The following PEX13 variants were observed in gnomAD, a reference collection of about 807,000 sequenced individuals.
PEX13 encodes the protein peroxisomal biogenesis factor 13.
A neutral mutation model predicts 34.5 loss-of-function variants in PEX13; 28 were observed. That is an observed-to-expected ratio of 0.81 (90% CI 0.60 to 1.11). The LOEUF is 1.11. Ranked by LOEUF, PEX13 falls within the 50% of genes most tolerant of loss-of-function variation. PEX13 has a pLI of 0.00. For missense variants in PEX13, 550 were observed against 491.0 expected (o/e 1.12, Z -1.13); for synonymous variants, 177 against 175.1 (o/e 1.01, Z -0.09).
In PEX13 at chr2:61,048,849, C is replaced by T. The variant is rs1680752602; in HGVS notation, c.*79C>T. On this transcript the variant is annotated 3_prime_UTR_variant, in exon 4 of 4. Coordinates refer to ENST00000295030, the MANE Select transcript of PEX13 (RefSeq NM_002618.4). ...TATTTCTCACAAAGAAATGAATGTA[C>T]AATCCAATGAAAACATTTGTTATTG... The T allele has an allele frequency of 8.5e-7, 1 of 1,182,362 alleles. No individual in the cohort carries two copies. 73.2% of individuals were successfully genotyped at this position (1,182,362 alleles called of 1,614,324 possible).
At chr2:61,033,084 A>G (rs1680478983) in intron 2 of PEX13, among the ~76,000 whole-genome samples, 2 of 152,170 alleles carry the variant, frequency 1.3e-5, no homozygotes. Context: ...TGTAAACGAA[A>G]AAGTCAGTCT....
chr2:61,026,942 C>G (rs764559748), intron 1 of PEX13, among the ~76,000 whole-genome samples: 6 of 151,946 alleles, frequency 3.9e-5, no homozygotes, highest in Non-Finnish European at 7.4e-5. Flanking sequence ...TTTCCCTCTT[C>G]CATGTTCCCC....
At position 61,017,790 on chromosome 2, in the gene PEX13, C is replaced by G. The variant is rs1680108011; in HGVS notation, c.31C>G (p.Pro11Ala). 3.2e-6 allele frequency: 5 copies of G among 1,550,394 alleles called. No homozygotes were observed. Among genetic ancestry groups the G allele is most frequent in the Non-Finnish European group, 4.4e-6 (5 of 1,146,886 alleles). Reference protein sequence around the residue: MASQPPPPPKPWETRRIPGAG... With the variant: MASQPPPPPKAWETRRIPGAG... ...GTCCCAGCCGCCACCTCCCCCCAAA[C>G]CCTGGGAGACCCGCCGAATTCCGGG... Residue 11 changes from proline to alanine, a missense_variant, in exon 1 of 4, where the codon CCC (proline) becomes GCC (alanine). Coordinates refer to ENST00000295030, the MANE Select transcript of PEX13 (RefSeq NM_002618.4).
At chr2:61,019,187 A>C (rs1680192795) in intron 1 of PEX13, 1 of 152,062 alleles carries the variant, frequency 6.6e-6, no homozygotes, top group Non-Finnish European at 1.5e-5. Flanking sequence ...TCTAAAACTT[A>C]ACAATGTAAC....
intron 1 of PEX13, chr2:61,018,511 T>C: frequency 6.7e-6 from 3 of 444,786 alleles, no homozygotes; most frequent in Non-Finnish European, 1.1e-5. Context: ...AGTTGGTTTC[T>C]AGGACTTTAA....
chr2:61,036,396 C>T (rs1680535343), intron 2 of PEX13, among the ~76,000 whole-genome samples: 4 of 152,144 alleles, frequency 2.6e-5, no homozygotes, highest in Admixed American at 2.6e-4. Context: ...GCCGGATTAC[C>T]CACAAAGGGA....
intron 1 of PEX13, among the ~76,000 whole-genome samples, chr2:61,026,074 C>G (rs914265358): frequency 6.6e-6 from 1 of 152,106 alleles, no homozygotes; most frequent in African/African-American, 2.4e-5. Flanking sequence ...CTGAAAAGAT[C>G]TGGCTCTCTG....
intron 1 of PEX13, among the ~76,000 whole-genome samples, chr2:61,020,707 T>G (rs1287632963): frequency 6.6e-6 from 1 of 152,130 alleles, no homozygotes; most frequent in Non-Finnish European, 1.5e-5. Context: ...CAGGCTGGAG[T>G]GCAGAGACGC....
chr2:61,025,714 A>G (rs1207663735), intron 1 of PEX13, among the ~76,000 whole-genome samples: 1 of 152,096 alleles, frequency 6.6e-6, no homozygotes, highest in Non-Finnish European at 1.5e-5. Flanking sequence ...GTTTAATGTG[A>G]TTTGAGGCCT....
At position 61,036,802 on chromosome 2, in the gene PEX13, G is replaced by A. The variant is rs189403429; in HGVS notation, c.787+4689G>A. ...CAATGTTAACCTTAAATGTAAATGG[G>A]CTAAATGCCCCAATTAAAAGACACA... On this transcript the variant is annotated intron_variant, in intron 2 of 3. Transcript: ENST00000295030. 2.9e-3 allele frequency among the ~76,000 whole-genome samples: 443 copies of A among 152,254 alleles called. 2 individuals are homozygous for A. Among genetic ancestry groups the A allele is most frequent in the Middle Eastern group, 0.01 (3 of 294 alleles).
At chr2:61,033,244 G>A (rs1680481263) in intron 2 of PEX13, among the ~76,000 whole-genome samples, 1 of 151,900 alleles carries the variant, frequency 6.6e-6, no homozygotes, top group South Asian at 2.1e-4. Flanking sequence ...TTAATTTGGG[G>A]GCATCAGTAA....
chr2:61,019,157 C>A (rs866877891), intron 1 of PEX13: 65 of 152,132 alleles, frequency 4.3e-4, no homozygotes, highest in African/African-American at 1.4e-3. Context: ...TAGGTTTGTG[C>A]TATTTATATG....
intron 3 of PEX13, 125 bp from the exon 4 acceptor site, chr2:61,048,347 A>T (rs1680741677): frequency 1.3e-6 from 1 of 759,836 alleles, no homozygotes; most frequent in African/African-American, 1.7e-5. Context: ...ATATATATGC[A>T]TGTACTATTT....
chr2:61,018,365 T>G (rs1448156935), intron 1 of PEX13: 2 of 1,488,390 alleles, frequency 1.3e-6, no homozygotes, highest in South Asian at 1.3e-5. Flanking sequence ...ACTCAGCCAG[T>G]GTTTCGGATC....
At chr2:61,020,892 T>C (rs1372211481) in intron 1 of PEX13, among the ~76,000 whole-genome samples, 2 of 152,168 alleles carry the variant, frequency 1.3e-5, no homozygotes, top group Admixed American at 1.3e-4. Context: ...TGACCTCAGG[T>C]GATCTGCCCA....
chr2:61,024,675 G>C (rs576771442), intron 1 of PEX13, among the ~76,000 whole-genome samples: 2 of 152,308 alleles, frequency 1.3e-5, no homozygotes, highest in South Asian at 4.1e-4. Context: ...TGGGCGTGGT[G>C]GTGGGCGCCT....
At position 61,031,623 on chromosome 2, in the gene PEX13, A is replaced by T; in HGVS notation, c.297A>T (p.Gly99=). Residue 99 remains glycine, a synonymous_variant, in exon 2 of 4, where the codon GGA becomes GGT. Coordinates refer to ENST00000295030, the MANE Select transcript of PEX13 (RefSeq NM_002618.4). ...GAGGCTATAGTCCTTATAGTTATGG[A>T]TATAATGGGCTGGGCTACAACCGCC... ...FYGGYSPYSY[G]YNGLGYNRLR... 6.2e-7 allele frequency: 1 copy of T among 1,614,134 alleles called. No individual in the cohort carries two copies. Among genetic ancestry groups the T allele is most frequent in the Non-Finnish European group, 8.5e-7 (1 of 1,180,008 alleles).
intron 2 of PEX13, among the ~76,000 whole-genome samples, chr2:61,041,142 G>A (rs1330721076): frequency 3.3e-5 from 5 of 151,992 alleles, no homozygotes; most frequent in African/African-American, 1.2e-4. Flanking sequence ...CAGCCTGTGC[G>A]GCATAGGGAA....
intron 3 of PEX13, among the ~76,000 whole-genome samples, chr2:61,046,459 A>G (rs1573561038): frequency 6.6e-6 from 1 of 152,110 alleles, no homozygotes; most frequent in African/African-American, 2.4e-5. Context: ...TTTTTTAAAT[A>G]TGTGTATTTA....
Sources: allele counts gnomAD v4.1 joint callset (sites outside exome capture counted in the v4.1 genomes callset), GRCh38; gene constraint gnomAD v4.1.1; transcripts MANE v1.5; gene names NCBI Gene and HGNC (gene_info 2026-07-23, HGNC 2026-07-21).